DUSP16: variants seen among roughly 807,000 people sequenced by gnomAD.
The protein encoded by DUSP16 is dual specificity protein phosphatase 16.
A neutral mutation model predicts 58.3 loss-of-function variants in DUSP16; 21 were observed. The observed-to-expected ratio is 0.36, with a 90% CI of 0.26 to 0.52. The LOEUF (loss-of-function observed/expected upper bound fraction) is 0.52, where lower values mean the gene tolerates loss of function less well. Ranked by LOEUF, DUSP16 falls within the 20% of genes least tolerant of loss-of-function variation. The pLI is 0.94. For missense variants in DUSP16, 726 were observed against 819.0 expected, an observed-to-expected ratio of 0.89 and a Z score of 1.39; for synonymous variants, 320 against 323.8, an observed-to-expected ratio of 0.99 and a Z score of 0.12.
intron 5 of DUSP16, among the ~76,000 whole-genome samples, chr12:12,480,579 G>A (rs976873253): frequency 2.0e-5 from 3 of 152,080 alleles, no homozygotes; most frequent in African/African-American, 7.3e-5. Flanking sequence ...TAAGCAATTC[G>A]TTAATAAGCA....
chr12:12,537,094 T>G (rs1944477339), intron 1 of DUSP16, among the ~76,000 whole-genome samples: 1 of 152,172 alleles, frequency 6.6e-6, no homozygotes, highest in African/African-American at 2.4e-5. Flanking sequence ...CTCTGAAGGT[T>G]GACATTTCTT....
intron 1 of DUSP16, among the ~76,000 whole-genome samples, chr12:12,523,857 T>C (rs923676317): frequency 1.3e-5 from 2 of 152,194 alleles, no homozygotes; most frequent in Non-Finnish European, 2.9e-5. Flanking sequence ...ATAATGGAAC[T>C]GGACTGGGAA....
chr12:12,552,319 G>T (rs1389086071), intron 1 of DUSP16, among the ~76,000 whole-genome samples: 1 of 152,038 alleles, frequency 6.6e-6, no homozygotes. Context: ...GGTGGTGCGT[G>T]CCTGTAATCC....
At chr12:12,545,442 C>CTTTTTT (rs71436720) in intron 1 of DUSP16, among the ~76,000 whole-genome samples, 1 of 132,014 alleles carries the variant, frequency 7.6e-6, no homozygotes, top group East Asian at 2.2e-4. Flanking sequence ...AATTTGTGTA[C>CTTTTTT]TTTTTTTTTT....
chr12:12,475,242 A>G lies in DUSP16; in HGVS notation c.*1591T>C, dbSNP rs1943405951. ...CAACACCCGCCCAGCCCCACCCCCA[A>G]AAAGCTGCTGTTGTGAATTAAGGCT... On this transcript the variant is annotated 3_prime_UTR_variant, in exon 7 of 7. Transcript: ENST00000298573. 6.7e-6 allele frequency: 1 copy of G among 148,526 alleles called. No individual in the cohort carries two copies. The highest frequency in any genetic ancestry group is 2.4e-5 in the African/African-American group (1 of 40,842). 9.2% of individuals were successfully genotyped at this position (148,526 alleles called of 1,614,324 possible). A position where few individuals can be genotyped will look rare whatever the true frequency, so the allele number is the denominator to read the frequency against.
chr12:12,515,733 G>T (rs1944140162), intron 3 of DUSP16, among the ~76,000 whole-genome samples: 1 of 151,874 alleles, frequency 6.6e-6, no homozygotes, highest in African/African-American at 2.4e-5. Flanking sequence ...AAAAAAAAAG[G>T]AAACAATGGT....
At chr12:12,501,092 T>C (rs760025270) in intron 3 of DUSP16, among the ~76,000 whole-genome samples, 12 of 152,236 alleles carry the variant, frequency 7.9e-5, no homozygotes, top group Non-Finnish European at 1.5e-4. Context: ...TGAGGCTGAA[T>C]GCAACTTCTT....
intron 1 of DUSP16, among the ~76,000 whole-genome samples, chr12:12,524,403 G>T (rs1489803636): frequency 6.6e-6 from 1 of 152,216 alleles, no homozygotes; most frequent in Non-Finnish European, 1.5e-5. Flanking sequence ...AATGGGTGAG[G>T]TGAGAGGCAG....
chr12:12,478,107 G>T, intron 6 of DUSP16, 92 bp from the exon 7 acceptor site: 2 of 1,170,382 alleles, frequency 1.7e-6, no homozygotes, highest in Non-Finnish European at 2.4e-6. Context: ...GGAATTATCA[G>T]GCAGACCTCA....
chr12:12,544,632 TTTTG>T (rs144336896), intron 1 of DUSP16, among the ~76,000 whole-genome samples: 36,466 of 151,914 alleles, frequency 0.24, 5,020 homozygotes, highest in Non-Finnish European at 0.29. Context: ...ATTTTCAAGT[TTTTG>T]TTTGTTTCTC....
At chr12:12,547,531 T>TAAAAAAAAAAAAAAAAAA (rs761142479) in intron 1 of DUSP16, among the ~76,000 whole-genome samples, 3 of 66,656 alleles carry the variant, frequency 4.5e-5, no homozygotes, top group Non-Finnish European at 5.9e-5. Context: ...TGAGTAGGCT[T>TAAAAAAAAAAAAAAAAAA]AAAAAAAAAA....
chr12:12,526,827 C>A (rs1013649124), intron 1 of DUSP16, among the ~76,000 whole-genome samples: 2 of 152,054 alleles, frequency 1.3e-5, no homozygotes, highest in African/African-American at 4.8e-5. Context: ...TTCTTTCTAC[C>A]CATGGGTTAT....
intron 4 of DUSP16, among the ~76,000 whole-genome samples, chr12:12,495,570 T>C (rs1478555494): frequency 6.6e-6 from 1 of 152,216 alleles, no homozygotes; most frequent in East Asian, 1.9e-4. Context: ...AAATATGAGT[T>C]CTATGATCCT....
intron 4 of DUSP16, among the ~76,000 whole-genome samples, chr12:12,492,044 G>T (rs961147504): frequency 6.6e-6 from 1 of 151,838 alleles, no homozygotes. Context: ...TCAATTGTTC[G>T]TACTCACTTG....
intron 3 of DUSP16, among the ~76,000 whole-genome samples, chr12:12,511,156 T>C (rs924021726): frequency 1.3e-5 from 2 of 152,140 alleles, no homozygotes; most frequent in African/African-American, 4.8e-5. Flanking sequence ...GATTGGAAGG[T>C]GGCAAGACAG....
intron 3 of DUSP16, among the ~76,000 whole-genome samples, chr12:12,514,281 C>A (rs1944117307): frequency 6.6e-6 from 1 of 152,162 alleles, no homozygotes. Flanking sequence ...ATTGTTCTTT[C>A]CAGCTTAAAG....
chr12:12,488,339 C>A (rs908916635), intron 4 of DUSP16, among the ~76,000 whole-genome samples: 3 of 152,170 alleles, frequency 2.0e-5, no homozygotes, highest in Non-Finnish European at 2.9e-5. Flanking sequence ...GTACTTTGTT[C>A]ACACCATTAA....
intron 5 of DUSP16, among the ~76,000 whole-genome samples, chr12:12,483,043 C>A (rs894707652): frequency 6.6e-6 from 1 of 152,132 alleles, no homozygotes; most frequent in South Asian, 2.1e-4. Context: ...AACTAAGAAG[C>A]CTCTTCAGGT....
intron 1 of DUSP16, among the ~76,000 whole-genome samples, chr12:12,529,834 G>T (rs1057063130): frequency 6.6e-6 from 1 of 152,016 alleles, no homozygotes; most frequent in South Asian, 2.1e-4. Flanking sequence ...TGTCCTCCAG[G>T]TTCATCCATG....
Sources: gnomAD v4.1 joint callset for allele counts (sites outside exome capture counted in the v4.1 genomes callset) on GRCh38, gnomAD v4.1.1 for gene constraint, MANE v1.5 for transcripts, NCBI Gene and HGNC (gene_info 2026-07-23, HGNC 2026-07-21) for gene names.